The following HERC1 variants were observed in gnomAD, a reference collection of about 807,000 sequenced individuals.
The protein encoded by HERC1 is probable E3 ubiquitin-protein ligase HERC1.
A neutral mutation model predicts 554.3 loss-of-function variants in HERC1; 160 were observed. The ratio of observed to expected loss-of-function variants is 0.29; its 90% CI spans 0.25 to 0.33. The LOEUF is 0.33. Among genes scored for constraint, HERC1 ranks in the 10% least tolerant of loss-of-function variants. HERC1 has a pLI of 1.00. For synonymous variants in HERC1, 2,175 were observed against 2,131.7 expected, an observed-to-expected ratio of 1.02 and a Z score of -0.56; for missense variants, 4,919 against 5,918.5, an observed-to-expected ratio of 0.83 and a Z score of 5.54.
At chr15:63,731,076 T>C (rs1027706496) in intron 14 of HERC1, among the ~76,000 whole-genome samples, 1 of 152,198 alleles carries the variant, frequency 6.6e-6, no homozygotes, top group Non-Finnish European at 1.5e-5. Context: ...ATCATAAATG[T>C]TTTACACATT....
chr15:63,702,357 T>C (rs1175003439), intron 25 of HERC1, among the ~76,000 whole-genome samples: 1 of 152,210 alleles, frequency 6.6e-6, no homozygotes, highest in Non-Finnish European at 1.5e-5. Context: ...TGTTGATAAA[T>C]GTTTCCAGTA....
rs147377413 is a variant in HERC1 at position 63,775,324 on chromosome 15, G to A, written c.300C>T (p.Ala100=). 2.0e-4 allele frequency: 318 copies of A among 1,613,944 alleles called. 1 individual carries two copies. Among genetic ancestry groups the A allele is most frequent in the East Asian group, 1.3e-3 (58 of 44,888 alleles). ...CAAGCAGTCGTTTTCTAAGTGCCCC[G>A]GCAAATGGGGAATCTGAACATACCA... ...AKMVCSDSPF[A]GALRKRLLVL... Residue 100 remains alanine (A), a synonymous_variant, in exon 2 of 78, where the codon GCC becomes GCT. Transcript: ENST00000443617. This position sits in a 1 kb window ranked among gnomAD's most constrained non-coding sequence, Gnocchi z 4.0.
Position 63,734,742 on chromosome 15 carries a change from T to C in HERC1, c.2628A>G (p.Glu876=). 2 of 1,573,762 alleles carry C rather than the reference T, an allele frequency of 1.3e-6. No individual in the cohort carries two copies. The highest frequency in any genetic ancestry group is 1.2e-5 in the South Asian group (1 of 83,668). The change falls in exon 13 of 78, where the codon GAA becomes GAG. Residue 876 remains glutamate, a synonymous_variant. Coordinates refer to ENST00000443617, the MANE Select transcript of HERC1 (RefSeq NM_003922.4). The surrounding 1 kb of genome is among the most constrained non-coding windows in gnomAD (Gnocchi z 4.6). ...GGCCTACCTGTCCTTTAGATAAGCT[T>C]TCCCATCTATCAGGTCCTTGAGGTA... is the stretch of plus-strand genomic sequence containing the variant. ...SLLPQGPDRW[E]SLSKGQRMQL... is the part of the protein sequence containing the mutation.
intron 40 of HERC1, among the ~76,000 whole-genome samples, chr15:63,667,645 A>G (rs1473494766): frequency 6.6e-6 from 1 of 152,252 alleles, no homozygotes; most frequent in East Asian, 1.9e-4. Context: ...AAATAAAATC[A>G]TCCTGTTGTA....
At position 63,632,697 on chromosome 15, in the gene HERC1, A is replaced by G; in HGVS notation, c.12796+12T>C. 6.6e-7 allele frequency: 1 copy of G among 1,521,388 alleles called. No homozygotes were observed. Among genetic ancestry groups the G allele is most frequent in the Non-Finnish European group, 8.9e-7 (1 of 1,118,986 alleles). The allele number at this position is 1,521,388 out of a possible 1,614,324, so 94.2% of individuals were successfully genotyped here. On this transcript the variant is annotated intron_variant, in intron 68 of 77. Coordinates refer to ENST00000443617, the MANE Select transcript of HERC1 (RefSeq NM_003922.4). ...ATGTGTACCCAAGCAAATAAGCTGA[A>G]AAATGTCTTACCTTGACCAAAGGTA...
At chr15:63,637,443 G>A in intron 64 of HERC1, 62 bp downstream of exon 64, 1 of 1,420,544 alleles carries the variant, frequency 7.0e-7, no homozygotes, top group Admixed American at 2.1e-5. Flanking sequence ...GCAAAGGTTT[G>A]TACGACCAAA....
chr15:63,825,738 A>C (rs2077876030), intron 1 of HERC1, among the ~76,000 whole-genome samples: 1 of 152,092 alleles, frequency 6.6e-6, no homozygotes, highest in Middle Eastern at 3.2e-3. Flanking sequence ...TCAGTTCATT[A>C]GAAAACCACG....
At chr15:63,772,214 CTG>C (rs1365904607) in intron 2 of HERC1, among the ~76,000 whole-genome samples, 1 of 151,976 alleles carries the variant, frequency 6.6e-6, no homozygotes, top group East Asian at 1.9e-4. Context: ...TAAATGGACA[CTG>C]AGAAAAGAAA....
intron 74 of HERC1, among the ~76,000 whole-genome samples, chr15:63,618,555 T>C (rs532829246): frequency 8.6e-4 from 131 of 152,158 alleles, no homozygotes; most frequent in African/African-American, 3.1e-3. Flanking sequence ...CATTGGTAGC[T>C]TGATGGGGAT....
chr15:63,636,225 A>C, intron 64 of HERC1, 83 bp from the exon 65 acceptor site: 1 of 1,187,938 alleles, frequency 8.4e-7, no homozygotes, highest in Non-Finnish European at 1.2e-6. Context: ...AATACCCTCA[A>C]TCAAAAACCA....
In HERC1 at chr15:63,630,631, G is replaced by A. The variant is rs2068506253; in HGVS notation, c.12801C>T (p.Arg4267=). 1 of 1,609,360 alleles carries A rather than the reference G, an allele frequency of 6.2e-7. No homozygotes were observed. The highest frequency in any genetic ancestry group is 8.5e-7 in the Non-Finnish European group (1 of 1,178,154). ...DGHVYTFGQD[R]LIGLPEGRAR... ...CACGCCCCTCTGGCAAGCCTATCAG[G>A]CGATCTGAAAAAAACAAAACAAAAA... Residue 4267 remains arginine, a synonymous_variant, in exon 69 of 78, where the codon CGC becomes CGT. Coordinates refer to ENST00000443617, the MANE Select transcript of HERC1 (RefSeq NM_003922.4).
At chr15:63,728,686 T>C (rs1281193269) in intron 16 of HERC1, among the ~76,000 whole-genome samples, 2 of 152,108 alleles carry the variant, frequency 1.3e-5, no homozygotes, top group East Asian at 1.9e-4. Flanking sequence ...ATGTAAATGG[T>C]TGTTAAAGAC....
intron 6 of HERC1, 135 bp downstream of exon 6, chr15:63,755,094 A>C: frequency 1.5e-6 from 1 of 647,920 alleles, no homozygotes; most frequent in Non-Finnish European, 2.7e-6. Flanking sequence ...TCTATATAAA[A>C]TTATCTTCCT....
intron 34 of HERC1, among the ~76,000 whole-genome samples, chr15:63,685,685 T>C (rs962705491): frequency 3.3e-5 from 5 of 152,188 alleles, no homozygotes; most frequent in African/African-American, 7.2e-5. Context: ...TGGGGTCCTA[T>C]TGATAGTTTT....
intron 6 of HERC1, 120 bp from the exon 7 acceptor site, chr15:63,754,768 A>G: frequency 1.0e-6 from 1 of 974,458 alleles, no homozygotes; most frequent in Non-Finnish European, 1.5e-6. Context: ...TTTTAATGCA[A>G]TGCAATATGA....
At chr15:63,733,241 C>T (rs1192301735) in intron 13 of HERC1, 96 bp from the exon 14 acceptor site, 2 of 746,626 alleles carry the variant, frequency 2.7e-6, no homozygotes, top group African/African-American at 3.5e-5. Flanking sequence ...AATCCACTTA[C>T]TAGCTTAATA....
intron 77 of HERC1, among the ~76,000 whole-genome samples, chr15:63,611,909 G>C (rs1003507637): frequency 6.6e-6 from 1 of 152,222 alleles, no homozygotes; most frequent in Non-Finnish European, 1.5e-5. Flanking sequence ...AGAGGGCCAG[G>C]CGTGTTGGCT....
chr15:63,815,723 CTAACA>C (rs575379816), intron 1 of HERC1, among the ~76,000 whole-genome samples: 75 of 152,274 alleles, frequency 4.9e-4, no homozygotes, highest in Non-Finnish European at 9.7e-4. Flanking sequence ...ATCCTCTAAC[CTAACA>C]TGTTAGTCCG....
In HERC1 at chr15:63,694,437, C is replaced by A; in HGVS notation, c.5355G>T (p.Leu1785Phe). The A allele has an allele frequency of 1.2e-6, 2 of 1,613,978 alleles. No homozygotes were observed. Among genetic ancestry groups the A allele is most frequent in the Non-Finnish European group, 1.7e-6 (2 of 1,179,878 alleles). The change falls in exon 29 of 78, where the codon TTG (leucine) becomes TTT (phenylalanine). Residue 1785 changes from leucine (L) to phenylalanine (F), a missense_variant. Around this residue, in one of 11 missense-constraint regions of HERC1, gnomAD observed 1,121 missense variants for 1,244.0 expected, o/e 0.90. Transcript: ENST00000443617. The surrounding 1 kb of genome is among the most constrained non-coding windows in gnomAD (Gnocchi z 4.3). ...GTCCTAGCATGGTGTCTGTACCACA[C>A]AACTGTGACAATACGTTTAGCAGAC... ...STGLLNVLSQ[L>F]CGTDTMLGQP...
Sources: gnomAD v4.1 joint callset for allele counts (sites outside exome capture counted in the v4.1 genomes callset) on GRCh38, gnomAD v4.1.1 for gene constraint, gnomAD v4.1.1 regional missense constraint, Gnocchi (gnomAD v3.1) non-coding constraint, MANE v1.5 for transcripts, NCBI Gene and HGNC (gene_info 2026-07-23, HGNC 2026-07-21) for gene names.